The following MYOM1 variants were observed in gnomAD, a reference collection of about 807,000 sequenced individuals.
MYOM1 encodes myomesin 1.
MYOM1 carries 164 observed loss-of-function variants against 205.3 expected under a neutral mutation model. The ratio of observed to expected loss-of-function variants is 0.80; its 90% CI spans 0.70 to 0.91. MYOM1 has a LOEUF of 0.91. Among genes scored for constraint, MYOM1 ranks in the 40% least tolerant of loss-of-function variants. The pLI, the probability that MYOM1 is intolerant of heterozygous loss-of-function variation, is 0.00. For missense variants in MYOM1, 2,011 were observed against 2,127.3 expected, an observed-to-expected ratio of 0.95 and a Z score of 1.08; for synonymous variants, 772 against 789.4, an observed-to-expected ratio of 0.98 and a Z score of 0.37.
chr18:3,116,439 G>A lies in MYOM1; in HGVS notation c.3195C>T (p.Ser1065=), dbSNP rs185366609. The A allele has an allele frequency of 3.8e-5, 62 of 1,613,508 alleles. No homozygotes were observed. The East Asian group carries it at 7.8e-4, about 20-fold the overall frequency. The change falls in exon 21 of 38, where the codon TCC becomes TCT. Residue 1065 remains serine, a synonymous_variant. Transcript: ENST00000356443. ...AGTAACCAGTGACCGGAGTCCGCCC[G>A]GAGTGGACTGGCGGCTTCCACTGGA... is the stretch of plus-strand genomic sequence containing the variant. ...LVLQWKPPVH[S]GRTPVTGYFV...
chr18:3,098,566 C>T (rs1651885822), intron 25 of MYOM1, among the ~76,000 whole-genome samples: 3 of 151,950 alleles, frequency 2.0e-5, no homozygotes, highest in Non-Finnish European at 4.4e-5. Flanking sequence ...TGTGAGCCAC[C>T]ACACCCCACC....
intron 21 of MYOM1, among the ~76,000 whole-genome samples, chr18:3,115,236 G>C (rs569481677): frequency 1.3e-5 from 2 of 152,234 alleles, no homozygotes; most frequent in South Asian, 4.1e-4. Context: ...ATGAAAAGAT[G>C]ACCTGTCTTA....
intron 8 of MYOM1, among the ~76,000 whole-genome samples, chr18:3,171,982 C>G (rs978351394): frequency 6.6e-6 from 1 of 152,170 alleles, no homozygotes; most frequent in African/African-American, 2.4e-5. Context: ...CCTATTCTAC[C>G]ACTCTGTGTT....
chr18:3,148,593 A>G (rs1425950207), intron 13 of MYOM1, among the ~76,000 whole-genome samples: 1 of 152,032 alleles, frequency 6.6e-6, no homozygotes, highest in Admixed American at 6.6e-5. Flanking sequence ...CACGTCTGTC[A>G]TCCCAGCACT....
chr18:3,109,129 C>T (rs1270914909), intron 22 of MYOM1, among the ~76,000 whole-genome samples: 3 of 151,674 alleles, frequency 2.0e-5, no homozygotes, highest in Non-Finnish European at 2.9e-5. Context: ...TACAGATGCC[C>T]GCCACACGCC....
At position 3,188,928 on chromosome 18, in the gene MYOM1, C is replaced by T. The variant is rs532272499; in HGVS notation, c.591G>A (p.Thr197=). 9 of 1,610,928 alleles carry T rather than the reference C, an allele frequency of 5.6e-6. No individual in the cohort carries two copies. Among genetic ancestry groups the T allele is most frequent in the South Asian group, 3.3e-5 (3 of 90,924 alleles). The part of the protein sequence containing the change: ...SKQTTASKQS[T]ASKQSTASKQ... ...TGGATGCTGTGGACTGCTTGGATGC[C>T]GTGGACTGCTTAGATGCCGTGGTCT... is the stretch of plus-strand genomic sequence containing the variant. Residue 197 remains threonine (T), a synonymous_variant, in exon 4 of 38, where the codon ACG becomes ACA. Coordinates refer to ENST00000356443, the MANE Select transcript of MYOM1 (RefSeq NM_003803.4).
the MYOM1 span, among the ~76,000 whole-genome samples, chr18:3,239,467 A>G: frequency 4.9e-3 from 741 of 152,270 alleles, 6 homozygotes; most frequent in African/African-American, 0.016. Context: ...AATAGACAAG[A>G]GCATGGGCCA....
chr18:3,090,217 A>ATTTT (rs71159040), intron 27 of MYOM1, among the ~76,000 whole-genome samples: 1 of 124,644 alleles, frequency 8.0e-6, no homozygotes, highest in Non-Finnish European at 1.6e-5. Flanking sequence ...TGAAAACTGT[A>ATTTT]TTTTTTTTTT....
upstream of MYOM1, among the ~76,000 whole-genome samples, chr18:3,224,201 G>T: frequency 6.6e-6 from 1 of 151,994 alleles, no homozygotes; most frequent in East Asian, 1.9e-4. Flanking sequence ...GCTAATTTTT[G>T]TATTTTTAGT....
Position 3,134,781 on chromosome 18 carries a change from T to C in MYOM1, c.2253A>G (p.Thr751=). ...CCCACGAAACTACCACTGAGGTGTC[T>C]GTGTTTCTGCTTGGGATGATTTTGC... ...APGKIIPSRN[T]DTSVVVSWEE... The change falls in exon 16 of 38, where the codon ACA becomes ACG. Residue 751 remains threonine (T), a synonymous_variant. Transcript: ENST00000356443. 6.2e-7 allele frequency: 1 copy of C among 1,613,966 alleles called. No homozygotes were observed. The highest frequency in any genetic ancestry group is 1.3e-5 in the African/African-American group (1 of 75,030).
Position 3,209,339 on chromosome 18 carries a change from T to C in MYOM1, c.290+5595A>G, listed in dbSNP as rs1338240110. Among the ~76,000 whole-genome samples, 2 of 152,286 alleles carry C rather than the reference T, an allele frequency of 1.3e-5. No homozygotes were observed. Among genetic ancestry groups the C allele is most frequent in the Admixed American group, 1.3e-4 (2 of 15,292 alleles). On this transcript the variant is annotated intron_variant, in intron 2 of 37. Coordinates refer to ENST00000356443, the MANE Select transcript of MYOM1 (RefSeq NM_003803.4). The surrounding 1 kb of genome is among the most constrained non-coding windows in gnomAD (Gnocchi z 4.0). ...CCAGTAGATCCTCACATCTGGCCAC[T>C]GCTCGCACATCCGCTCTTACTGCAC... is the stretch of plus-strand genomic sequence containing the variant.
chr18:3,209,799 C>G lies in MYOM1; in HGVS notation c.290+5135G>C, dbSNP rs2081169269. ...GAAAATTCTAACCTGCACTCTTGGC[C>G]CATGTCCCTGATCTCTCTTACCCTG... On this transcript the variant is annotated intron_variant, in intron 2 of 37. Transcript: ENST00000356443. The surrounding 1 kb of genome is among the most constrained non-coding windows in gnomAD (Gnocchi z 4.0). Among the ~76,000 whole-genome samples the G allele has an allele frequency of 6.6e-6, 1 of 152,154 alleles. No individual in the cohort carries two copies. Among genetic ancestry groups the G allele is most frequent in the African/African-American group, 2.4e-5 (1 of 41,422 alleles).
intron 2 of MYOM1, among the ~76,000 whole-genome samples, chr18:3,210,042 T>G (rs1487094401): frequency 6.6e-6 from 1 of 152,202 alleles, no homozygotes; most frequent in African/African-American, 2.4e-5. Flanking sequence ...ACATCTTACA[T>G]GATTATCTCT....
At chr18:3,193,746 T>C (rs935396946) in intron 3 of MYOM1, 72 bp downstream of exon 3, 2 of 1,431,764 alleles carry the variant, frequency 1.4e-6, no homozygotes. Context: ...ATTATGACTA[T>C]AATCTGCCAT....
At chr18:3,246,767 T>G in the MYOM1 span, 1 of 152,282 alleles carries the variant, frequency 6.6e-6, no homozygotes, top group African/African-American at 2.4e-5. Flanking sequence ...CTGGTCACTG[T>G]CCCCTAGTGC....
Position 3,089,162 on chromosome 18 carries a change from T to C in MYOM1, c.4137+12A>G. The C allele has an allele frequency of 1.9e-6, 3 of 1,583,440 alleles. No individual in the cohort carries two copies. Among genetic ancestry groups the C allele is most frequent in the Non-Finnish European group, 2.6e-6 (3 of 1,157,862 alleles). On this transcript the variant is annotated intron_variant, in intron 29 of 37. Coordinates refer to ENST00000356443, the MANE Select transcript of MYOM1 (RefSeq NM_003803.4). ...CCTTGAATCAAATATTAAAAATTTATCTACCTCTTACCTTGCATTTCAATA... is the reference window on the plus strand; with the variant it reads ...CCTTGAATCAAATATTAAAAATTTACCTACCTCTTACCTTGCATTTCAATA...
At chr18:3,071,087 G>T (rs77669160) in intron 37 of MYOM1, among the ~76,000 whole-genome samples, 6,054 of 152,032 alleles carry the variant, frequency 0.04, 277 homozygotes, top group East Asian at 0.26. Flanking sequence ...GGAGCCCCTG[G>T]AGTTCTGTCA....
At chr18:3,166,514 G>T (rs2080474845) in intron 9 of MYOM1, among the ~76,000 whole-genome samples, 1 of 151,776 alleles carries the variant, frequency 6.6e-6, no homozygotes, top group South Asian at 2.1e-4. Flanking sequence ...TCAAACTCCA[G>T]ACCTCAAGTG....
intron 5 of MYOM1, among the ~76,000 whole-genome samples, chr18:3,181,991 C>T (rs1227820771): frequency 6.6e-6 from 1 of 152,112 alleles, no homozygotes; most frequent in Non-Finnish European, 1.5e-5. Context: ...GACTCGGCCT[C>T]CTAAAGAGCT....
Sources: gnomAD v4.1 joint callset for allele counts (sites outside exome capture counted in the v4.1 genomes callset) on GRCh38, gnomAD v4.1.1 for gene constraint, Gnocchi (gnomAD v3.1) non-coding constraint, MANE v1.5 for transcripts, NCBI Gene and HGNC (gene_info 2026-07-23, HGNC 2026-07-21) for gene names.